The following ZRANB3 variants were observed in gnomAD, a reference collection of about 807,000 sequenced individuals.
ZRANB3 encodes the protein zinc finger RANBP2-type containing 3, also known as DNA annealing helicase and endonuclease ZRANB3.
A neutral mutation model predicts 133.8 loss-of-function variants in ZRANB3; 125 were observed. The observed-to-expected ratio is 0.93, with a 90% CI of 0.81 to 1.08. The LOEUF (loss-of-function observed/expected upper bound fraction) is 1.08, where lower values mean the gene tolerates loss of function less well. ZRANB3 is among the 50% of genes least tolerant of loss of function. ZRANB3 has a pLI of 0.00. For missense variants in ZRANB3, 1,229 were observed against 1,275.5 expected (o/e 0.96, Z 0.56); for synonymous variants, 387 against 432.7 (o/e 0.89, Z 1.31).
chr2:135,375,793 T>A (rs1265304437), intron 3 of ZRANB3, among the ~76,000 whole-genome samples: 2 of 151,238 alleles, frequency 1.3e-5, no homozygotes, highest in African/African-American at 2.4e-5. Flanking sequence ...GAGACGGAGG[T>A]TGTGGTCAGC....
At chr2:135,460,064 G>A (rs1690695577) in intron 2 of ZRANB3, among the ~76,000 whole-genome samples, 1 of 152,062 alleles carries the variant, frequency 6.6e-6, no homozygotes, top group African/African-American at 2.4e-5. Context: ...TGTAAAGGTG[G>A]TGAATGGGGC....
At chr2:135,512,903 T>C (rs1408672534) in intron 1 of ZRANB3, among the ~76,000 whole-genome samples, 1 of 152,140 alleles carries the variant, frequency 6.6e-6, no homozygotes, top group African/African-American at 2.4e-5. Flanking sequence ...CAGTAATTGA[T>C]TATGCAAGTT....
intron 2 of ZRANB3, among the ~76,000 whole-genome samples, chr2:135,479,413 T>A (rs545517965): frequency 7.8e-4 from 119 of 152,292 alleles, no homozygotes; most frequent in African/African-American, 2.7e-3. Flanking sequence ...GGCAGGCAGA[T>A]TACCTGATGT....
intron 12 of ZRANB3, among the ~76,000 whole-genome samples, chr2:135,261,957 G>A (rs1679985848): frequency 6.6e-6 from 1 of 151,902 alleles, no homozygotes; most frequent in South Asian, 2.1e-4. Flanking sequence ...CTCAGGAGCT[G>A]GAGACCAGCC....
chr2:135,216,251 G>T (rs1412372862), intron 17 of ZRANB3, among the ~76,000 whole-genome samples: 1 of 151,982 alleles, frequency 6.6e-6, no homozygotes, highest in East Asian at 1.9e-4. Flanking sequence ...CATGTTCTCG[G>T]TCCCTTGCTC....
chr2:135,525,617 G>T (rs1262889092), intron 1 of ZRANB3, among the ~76,000 whole-genome samples: 1 of 152,204 alleles, frequency 6.6e-6, no homozygotes, highest in African/African-American at 2.4e-5. Flanking sequence ...GGAGGCTGAG[G>T]CGGGCGGATC....
intron 1 of ZRANB3, among the ~76,000 whole-genome samples, chr2:135,517,453 T>C (rs1693746392): frequency 6.6e-6 from 1 of 152,156 alleles, no homozygotes; most frequent in African/African-American, 2.4e-5. Context: ...AGATGGGATT[T>C]TTGTGTGAGC....
intron 13 of ZRANB3, 24 bp downstream of exon 13, chr2:135,230,489 C>T: frequency 6.8e-7 from 1 of 1,472,884 alleles, no homozygotes; most frequent in African/African-American, 1.4e-5. Context: ...CCCTTACCTC[C>T]ATGGTCACCT....
chr2:135,223,429 G>A (rs868033068), intron 15 of ZRANB3, among the ~76,000 whole-genome samples: 3 of 150,700 alleles, frequency 2.0e-5, no homozygotes, highest in Admixed American at 6.6e-5. Flanking sequence ...AGGTTCAAGC[G>A]ATTCTCCTGC....
intron 8 of ZRANB3, among the ~76,000 whole-genome samples, chr2:135,276,253 T>TA (rs1427653504): frequency 2.6e-5 from 4 of 151,132 alleles, no homozygotes; most frequent in South Asian, 4.2e-4. Flanking sequence ...TTTTTTTTTT[T>TA]ACTTAAGAAA....
intron 3 of ZRANB3, among the ~76,000 whole-genome samples, chr2:135,379,494 C>T (rs761018839): frequency 2.6e-5 from 4 of 152,108 alleles, no homozygotes; most frequent in East Asian, 1.9e-4. Context: ...TATCAGGTCC[C>T]GGCATCTTCT....
intron 8 of ZRANB3, among the ~76,000 whole-genome samples, chr2:135,293,888 T>C (rs13384782): frequency 0.031 from 4,712 of 151,092 alleles, 236 homozygotes; most frequent in African/African-American, 0.11. Context: ...GTTTATATGC[T>C]GGATTACGTT....
chr2:135,345,295 A>C (rs1253588619), intron 6 of ZRANB3: 1 of 308,734 alleles, frequency 3.2e-6, no homozygotes, highest in Non-Finnish European at 6.0e-6. Context: ...GTGAAACCCC[A>C]TCTCTATTAA....
chr2:135,392,807 T>A (rs755307317), intron 2 of ZRANB3, among the ~76,000 whole-genome samples: 3 of 151,890 alleles, frequency 2.0e-5, no homozygotes, highest in Non-Finnish European at 4.4e-5. Context: ...AAATTACCAA[T>A]GAATGCATTA....
chr2:135,318,790 CT>C (rs1366346012), intron 6 of ZRANB3, among the ~76,000 whole-genome samples: 2 of 151,858 alleles, frequency 1.3e-5, no homozygotes, highest in African/African-American at 4.8e-5. Flanking sequence ...TAAAAAGAAT[CT>C]TAAAAAAAAA....
intron 3 of ZRANB3, among the ~76,000 whole-genome samples, chr2:135,358,620 A>T (rs925963480): frequency 1.3e-5 from 2 of 152,216 alleles, no homozygotes; most frequent in Non-Finnish European, 2.9e-5. Context: ...ATTAAGTACC[A>T]ATTAAGAAAT....
intron 3 of ZRANB3, among the ~76,000 whole-genome samples, chr2:135,383,195 C>T (rs1283930993): frequency 6.6e-6 from 1 of 152,078 alleles, no homozygotes; most frequent in Non-Finnish European, 1.5e-5. Context: ...CAGTTGCAAT[C>T]CTAGTCTCTG....
In ZRANB3 at chr2:135,219,165, A is replaced by T. The variant is rs550388770; in HGVS notation, c.2264T>A (p.Met755Lys). ...ATCCAGAGGAATGAAATTACAGCTC[A>T]TCTGTTTTCCATCCTGATGATAGAT... ...IHIYTKDGKQ[M>K]SCNFIPLDIK... The change falls in exon 16 of 21, where the codon ATG becomes AAG. Residue 755 changes from methionine (M) to lysine (K), a missense_variant. Physicochemically the swap from Met to Lys is moderately conservative, Grantham distance 95. Coordinates refer to ENST00000264159, the MANE Select transcript of ZRANB3 (RefSeq NM_032143.4). 6.5e-7 allele frequency: 1 copy of T among 1,527,226 alleles called. No individual in the cohort carries two copies. The highest frequency in any genetic ancestry group is 8.7e-7 in the Non-Finnish European group (1 of 1,143,386). 94.6% of individuals were successfully genotyped at this position (1,527,226 alleles called of 1,614,324 possible).
At chr2:135,241,927 C>A (rs1695568254) in intron 12 of ZRANB3, among the ~76,000 whole-genome samples, 2 of 152,134 alleles carry the variant, frequency 1.3e-5, no homozygotes, top group East Asian at 1.9e-4. Flanking sequence ...CGCCTGTAAT[C>A]CCAGAACTTT....
Sources: gnomAD v4.1 joint callset for allele counts (sites outside exome capture counted in the v4.1 genomes callset) on GRCh38, gnomAD v4.1.1 for gene constraint, MANE v1.5 for transcripts, NCBI Gene and HGNC (gene_info 2026-07-23, HGNC 2026-07-21) for gene names.